Variants in PREX2 observed in about 807,000 individuals in gnomAD.
PREX2 encodes the protein phosphatidylinositol 3,4,5-trisphosphate-dependent Rac exchanger 2 protein.
In PREX2, 107 loss-of-function variants were observed where a neutral mutation model predicts 203.2. The ratio of observed to expected loss-of-function variants is 0.53; its 90% CI spans 0.45 to 0.62. The LOEUF is 0.62. PREX2 is among the 20% of genes least tolerant of loss of function. PREX2 has a pLI of 0.00. For synonymous variants in PREX2, 672 were observed against 663.6 expected (o/e 1.01, Z -0.19); for missense variants, 1,777 against 1,955.9 (o/e 0.91, Z 1.72).
At chr8:68,051,071 G>A (rs1360619089) in intron 8 of PREX2, among the ~76,000 whole-genome samples, 1 of 152,062 alleles carries the variant, frequency 6.6e-6, no homozygotes, top group African/African-American at 2.4e-5. Flanking sequence ...CCTGTTTGAG[G>A]GAGGGCCAGC....
chr8:68,036,936 A>C (rs150845243), intron 6 of PREX2, among the ~76,000 whole-genome samples: 1 of 152,168 alleles, frequency 6.6e-6, no homozygotes, highest in Non-Finnish European at 1.5e-5. Flanking sequence ...GTGAAACTCC[A>C]TTTCAAAAAA....
chr8:68,047,398 C>T (rs144870697), intron 8 of PREX2, among the ~76,000 whole-genome samples: 172 of 149,736 alleles, frequency 1.1e-3, no homozygotes, highest in African/African-American at 4.0e-3. Flanking sequence ...CTATCAGGCT[C>T]ATCTGTCATT....
At chr8:67,979,565 G>C (rs1158269451) in intron 1 of PREX2, among the ~76,000 whole-genome samples, 2 of 152,076 alleles carry the variant, frequency 1.3e-5, no homozygotes, top group East Asian at 3.9e-4. Context: ...GTAGCTCTTG[G>C]ACAAAAATAA....
rs2129615802 is a variant in PREX2 at position 68,237,002 on chromosome 8, A to G, written c.*5624A>G. 1 of 152,262 alleles carries G rather than the reference A, an allele frequency of 6.6e-6. No individual in the cohort carries two copies. The highest frequency in any genetic ancestry group is 1.9e-4 in the East Asian group (1 of 5,188). The allele number at this position is 152,262 out of a possible 1,614,324, so 9.4% of individuals were successfully genotyped here. ...TAGTAACCGTGTATGATAAATGTTAATAATAATAAAGTGAAATGTAGTATG... is the reference window on the plus strand; with the variant it reads ...TAGTAACCGTGTATGATAAATGTTAGTAATAATAAAGTGAAATGTAGTATG... On this transcript the variant is annotated 3_prime_UTR_variant, in exon 40 of 40. Transcript: ENST00000288368.
chr8:68,190,848 A>C (rs565225018), intron 35 of PREX2, among the ~76,000 whole-genome samples: 52 of 152,042 alleles, frequency 3.4e-4, no homozygotes, highest in African/African-American at 1.2e-3. Context: ...AAATGTAACT[A>C]TTTTATCTCC....
At chr8:67,987,009 C>T (rs924264346) in intron 1 of PREX2, among the ~76,000 whole-genome samples, 5 of 151,720 alleles carry the variant, frequency 3.3e-5, no homozygotes, top group South Asian at 2.1e-4. Flanking sequence ...AAAAATTAGC[C>T]GGGCACGGTG....
intron 8 of PREX2, 56 bp downstream of exon 8, chr8:68,044,646 G>C: frequency 8.3e-7 from 1 of 1,203,416 alleles, no homozygotes; most frequent in Non-Finnish European, 1.2e-6. Context: ...AAACTCCTTT[G>C]TAAGACAGAT....
intron 35 of PREX2, among the ~76,000 whole-genome samples, chr8:68,173,429 G>C (rs1811917909): frequency 6.6e-6 from 1 of 152,172 alleles, no homozygotes; most frequent in Admixed American, 6.6e-5. Context: ...TTGAAAAATA[G>C]TATAATTCTA....
At chr8:68,224,100 C>T (rs568491476) in intron 38 of PREX2, among the ~76,000 whole-genome samples, 2 of 152,020 alleles carry the variant, frequency 1.3e-5, no homozygotes, top group Non-Finnish European at 2.9e-5. Context: ...CTCACTGCAG[C>T]CTCAACCTCC....
At chr8:68,066,847 G>C (rs147458733) in intron 11 of PREX2, among the ~76,000 whole-genome samples, 1 of 152,018 alleles carries the variant, frequency 6.6e-6, no homozygotes, top group Non-Finnish European at 1.5e-5. Context: ...TCTTCCAGTA[G>C]TTTTATAGTG....
In PREX2 at chr8:68,231,374, A is replaced by T. The variant is rs767234494; in HGVS notation, c.4817A>T (p.Glu1606Val). ...GAGCCACCTCCCCCAGCTGGAGAAG[A>T]ATGAAAAGAACTCCCAAGAAACCAG... ...LCEPPPPAGE[E>V] The change falls in exon 40 of 40, where the codon GAA becomes GTA. Residue 1606 changes from glutamate to valine, a missense_variant. By Grantham distance (121) the Glu-to-Val change is moderately radical (BLOSUM62 -2). Transcript: ENST00000288368. The T allele has an allele frequency of 6.3e-6, 10 of 1,599,388 alleles. No homozygotes were observed. Among genetic ancestry groups the T allele is most frequent in the Non-Finnish European group, 8.5e-6 (10 of 1,173,758 alleles).
In PREX2 at chr8:68,196,250, TTAATA is replaced by T. The variant is rs557709420; in HGVS notation, c.4604+3735_4604+3739del. Among the ~76,000 whole-genome samples the T allele has an allele frequency of 1.2e-3, 182 of 151,114 alleles. 2 individuals are homozygous for T. Among genetic ancestry groups the T allele is most frequent in the African/African-American group, 4.0e-3 (164 of 41,410 alleles). Reference sequence around the variant, plus strand: ...AGTTGATCAGATTTTTGCCTTTTAATTAATATAATATAATTTAATTTTTGCTTTTT... The same window carrying T: ...AGTTGATCAGATTTTTGCCTTTTAATTAATATAATTTAATTTTTGCTTTTT... On this transcript the variant is annotated intron_variant, in intron 37 of 39. Coordinates refer to ENST00000288368, the MANE Select transcript of PREX2 (RefSeq NM_024870.4).
rs545106498 is a variant in PREX2 at position 68,059,712 on chromosome 8, G to A, written c.1239-967G>A. On this transcript the variant is annotated intron_variant, in intron 10 of 39. Coordinates refer to ENST00000288368, the MANE Select transcript of PREX2 (RefSeq NM_024870.4). ...CCAAAATCAAGGTGCTGGCCAGACG[G>A]GGCTCTTAGATTGAGGCTCTGGGGA... Among the ~76,000 whole-genome samples, 4 of 152,252 alleles carry A rather than the reference G, an allele frequency of 2.6e-5. 1 individual carries two copies. In the East Asian group the frequency reaches 7.7e-4, roughly 29 times the overall value.
rs764313183 is a variant in PREX2, at chr8:68,038,263, T to A, written c.810T>A (p.Asn270Lys). Residue 270 changes from asparagine (N) to lysine (K), a missense_variant, in exon 7 of 40, where the codon AAT becomes AAA. Transcript: ENST00000288368. The stretch of plus-strand genomic sequence containing the variant: ...AACGGGTGTTTTTTCTTTTCGATAA[T>A]CTTTTGGTGTACTGCAAAAGAAAAC... ...IQERVFFLFD[N>K]LLVYCKRKHR... is the part of the protein sequence containing the mutation. The A allele has an allele frequency of 4.3e-6, 7 of 1,613,864 alleles. No homozygotes were observed. The highest frequency in any genetic ancestry group is 1.1e-5 in the South Asian group (1 of 91,072).
At chr8:68,154,983 A>G (rs1475454854) in intron 34 of PREX2, among the ~76,000 whole-genome samples, 1 of 152,166 alleles carries the variant, frequency 6.6e-6, no homozygotes, top group Non-Finnish European at 1.5e-5. Flanking sequence ...TGGAATTTGA[A>G]TGAGCTGGAG....
intron 37 of PREX2, among the ~76,000 whole-genome samples, chr8:68,208,472 T>A (rs1812682727): frequency 6.6e-6 from 1 of 152,152 alleles, no homozygotes; most frequent in African/African-American, 2.4e-5. Context: ...GGTACAGAAA[T>A]TTGTAAGAAA....
chr8:68,007,232 G>A (rs1024269897), intron 1 of PREX2, among the ~76,000 whole-genome samples: 3 of 152,024 alleles, frequency 2.0e-5, no homozygotes, highest in Non-Finnish European at 4.4e-5. Context: ...TGTTATCCTA[G>A]GTTTTCACAG....
intron 5 of PREX2, among the ~76,000 whole-genome samples, chr8:68,028,367 T>C (rs1807791910): frequency 6.6e-6 from 1 of 152,014 alleles, no homozygotes; most frequent in Non-Finnish European, 1.5e-5. Context: ...TATTTTAATA[T>C]ATAAATTACT....
At chr8:67,964,459 T>C (rs1165467601) in intron 1 of PREX2, among the ~76,000 whole-genome samples, 1 of 152,216 alleles carries the variant, frequency 6.6e-6, no homozygotes, top group Non-Finnish European at 1.5e-5. Flanking sequence ...GAAAATCATT[T>C]ATATTAATTA....
Sources: gnomAD v4.1 joint callset for allele counts (sites outside exome capture counted in the v4.1 genomes callset) on GRCh38, gnomAD v4.1.1 for gene constraint, MANE v1.5 for transcripts, NCBI Gene and HGNC (gene_info 2026-07-23, HGNC 2026-07-21) for gene names.